Variants in STK10 observed in about 807,000 individuals in gnomAD.
STK10 encodes serine/threonine-protein kinase 10.
Under a neutral mutation model 113.8 loss-of-function variants are expected in STK10, and 78 were observed. The ratio of observed to expected loss-of-function variants is 0.69; its 90% CI spans 0.57 to 0.83. The LOEUF is 0.83. Ranked by LOEUF, STK10 falls within the 40% of genes least tolerant of loss-of-function variation. The pLI, the probability that STK10 is intolerant of heterozygous loss-of-function variation, is 0.00. For missense variants in STK10, 1,109 were observed against 1,280.1 expected (o/e 0.87, Z 2.04); for synonymous variants, 465 against 494.7 (o/e 0.94, Z 0.80).
intron 1 of STK10, among the ~76,000 whole-genome samples, chr5:172,161,959 C>T (rs1459135789): frequency 1.3e-5 from 2 of 152,196 alleles, no homozygotes; most frequent in African/African-American, 4.8e-5. Context: ...TCATGATGGG[C>T]CATTTTCCAG....
rs75953072 is a variant in STK10 at position 172,105,824 on chromosome 5, T to C, written c.789-87A>G. On this transcript the variant is annotated intron_variant, in intron 6 of 18. Coordinates refer to ENST00000176763, the MANE Select transcript of STK10 (RefSeq NM_005990.4). The stretch of plus-strand genomic sequence containing the variant: ...GTCACAGACTCCACTGTCCCAATCA[T>C]GCCCCTCAAAGGACAGAGGAAACTT... 7,601 of 1,220,862 alleles carry C rather than the reference T, an allele frequency of 6.2e-3. 315 individuals carry two copies. The African/African-American group carries it at 0.098, about 16-fold the overall frequency. 75.6% of individuals were successfully genotyped at this position (1,220,862 alleles called of 1,614,324 possible). A position where few individuals can be genotyped will look rare whatever the true frequency, so the allele number is the denominator to read the frequency against.
chr5:172,095,539 G>C (rs1456878551), intron 8 of STK10, among the ~76,000 whole-genome samples: 1 of 152,242 alleles, frequency 6.6e-6, no homozygotes, highest in African/African-American at 2.4e-5. Flanking sequence ...TGGTTACCCT[G>C]TGTCAGAGCT....
At chr5:172,144,338 C>T (rs923570785) in intron 2 of STK10, among the ~76,000 whole-genome samples, 1 of 152,346 alleles carries the variant, frequency 6.6e-6, no homozygotes, top group African/African-American at 2.4e-5. Context: ...CCAGGCCTCC[C>T]TGCACTGAGA....
At chr5:172,117,104 C>A (rs1040387299) in intron 4 of STK10, among the ~76,000 whole-genome samples, 10 of 151,898 alleles carry the variant, frequency 6.6e-5, no homozygotes, top group African/African-American at 2.2e-4. Context: ...CATGGTGAAA[C>A]CTCATCTCTA....
intron 4 of STK10, among the ~76,000 whole-genome samples, chr5:172,109,435 G>A (rs922706994): frequency 1.3e-5 from 2 of 150,854 alleles, no homozygotes; most frequent in African/African-American, 2.4e-5. Flanking sequence ...CAATCCTCCC[G>A]AGTAGCTGAG....
intron 1 of STK10, among the ~76,000 whole-genome samples, chr5:172,162,773 AAAG>A (rs1770496242): frequency 1.1e-4 from 16 of 152,288 alleles, no homozygotes; most frequent in Middle Eastern, 3.4e-3. Flanking sequence ...GAAAGCTGGC[AAAG>A]AAGGCCGCAT....
intron 12 of STK10, among the ~76,000 whole-genome samples, chr5:172,069,786 C>T (rs1423577597): frequency 6.6e-6 from 1 of 152,264 alleles, no homozygotes; most frequent in South Asian, 2.1e-4. Flanking sequence ...ATAGAGAAGA[C>T]CTGAACAATA....
At chr5:172,097,300 A>G (rs551733569) in intron 7 of STK10, among the ~76,000 whole-genome samples, 155 of 152,336 alleles carry the variant, frequency 1.0e-3, no homozygotes, top group African/African-American at 3.7e-3. Flanking sequence ...TCAGCCTCCC[A>G]AAGTGCTGGG....
chr5:172,161,547 T>C (rs529686593), intron 1 of STK10, among the ~76,000 whole-genome samples: 2 of 152,236 alleles, frequency 1.3e-5, no homozygotes, highest in African/African-American at 2.4e-5. Flanking sequence ...TTTAGATAAA[T>C]ATTTCTTTCA....
Position 172,187,834 on chromosome 5 carries a change from T to C in STK10, c.156+53A>G. ...TGGCCGGGTCCGGCTCAGGCATCCCTTCCTTCCGGAGCCCCTCGACGCGCG... is the reference window on the plus strand; with the variant it reads ...TGGCCGGGTCCGGCTCAGGCATCCCCTCCTTCCGGAGCCCCTCGACGCGCG... On this transcript the variant is annotated intron_variant, in intron 1 of 18. Transcript: ENST00000176763. This position sits in a 1 kb window ranked among gnomAD's most constrained non-coding sequence, Gnocchi z 4.6. 1 of 1,594,542 alleles carries C rather than the reference T, an allele frequency of 6.3e-7. No homozygotes were observed. The highest frequency in any genetic ancestry group is 1.3e-5 in the African/African-American group (1 of 74,438).
chr5:172,151,340 C>G (rs1376127896), intron 2 of STK10, among the ~76,000 whole-genome samples: 2 of 151,530 alleles, frequency 1.3e-5, no homozygotes, highest in Non-Finnish European at 1.5e-5. Context: ...TCTTTTTTTT[C>G]TTTTTCTTTT....
chr5:172,068,092 G>A (rs537239384), intron 12 of STK10, among the ~76,000 whole-genome samples: 1 of 152,364 alleles, frequency 6.6e-6, no homozygotes, highest in African/African-American at 2.4e-5. Context: ...TGTAATCCCA[G>A]CACTTGGGGA....
chr5:172,140,456 G>A (rs1221711818), intron 2 of STK10, among the ~76,000 whole-genome samples: 3 of 152,200 alleles, frequency 2.0e-5, no homozygotes, highest in Non-Finnish European at 4.4e-5. Context: ...CGTCACTTTC[G>A]GAGGCCGAGG....
chr5:172,077,654 G>A (rs1023308122), intron 12 of STK10, among the ~76,000 whole-genome samples: 1 of 152,026 alleles, frequency 6.6e-6, no homozygotes, highest in African/African-American at 2.4e-5. Flanking sequence ...TCCTATATGT[G>A]TATTTCCTTA....
At chr5:172,062,501 T>A (rs1345735051) in intron 13 of STK10, among the ~76,000 whole-genome samples, 1 of 151,356 alleles carries the variant, frequency 6.6e-6, no homozygotes, top group Non-Finnish European at 1.5e-5. Context: ...ACAGCCCACG[T>A]GTCCGTCGAT....
At chr5:172,052,302 A>G (rs895159553) in intron 18 of STK10, among the ~76,000 whole-genome samples, 6 of 151,776 alleles carry the variant, frequency 4.0e-5, no homozygotes, top group Admixed American at 1.3e-4. Flanking sequence ...GGGACCTCAG[A>G]CCTACAGCCA....
At chr5:172,138,735 A>T (rs34226861) in intron 2 of STK10, among the ~76,000 whole-genome samples, 1 of 152,092 alleles carries the variant, frequency 6.6e-6, no homozygotes, top group Non-Finnish European at 1.5e-5. Context: ...AAGATTGGCC[A>T]GGCGCGGTGG....
intron 3 of STK10, among the ~76,000 whole-genome samples, chr5:172,124,513 C>T (rs1288724506): frequency 6.6e-6 from 1 of 152,174 alleles, no homozygotes; most frequent in Non-Finnish European, 1.5e-5. Context: ...GCCATGTATC[C>T]TCCCTGCTAC....
chr5:172,107,240 T>C (rs1769135270), intron 5 of STK10, among the ~76,000 whole-genome samples: 1 of 151,930 alleles, frequency 6.6e-6, no homozygotes, highest in Non-Finnish European at 1.5e-5. Context: ...GAGCCCAAAC[T>C]ACACAATGGC....
Sources: gnomAD v4.1 joint callset for allele counts (sites outside exome capture counted in the v4.1 genomes callset) on GRCh38, gnomAD v4.1.1 for gene constraint, Gnocchi (gnomAD v3.1) non-coding constraint, MANE v1.5 for transcripts, NCBI Gene and HGNC (gene_info 2026-07-23, HGNC 2026-07-21) for gene names.